FAM53A: variants seen among roughly 807,000 people sequenced by gnomAD.
The protein encoded by FAM53A is protein FAM53A.
FAM53A carries 28 observed loss-of-function variants against 26.6 expected under a neutral mutation model. The observed-to-expected ratio is 1.05, with a 90% confidence interval of 0.78 to 1.45. The LOEUF is 1.45. FAM53A is among the 40% of genes most tolerant of loss of function. FAM53A has a pLI of 0.00. For synonymous variants in FAM53A, 290 were observed against 253.1 expected (o/e 1.15, Z -1.38); for missense variants, 650 against 575.8 (o/e 1.13, Z -1.32).
chr4:1,608,385 G>A, the FAM53A span, among the ~76,000 whole-genome samples: 12 of 152,126 alleles, frequency 7.9e-5, no homozygotes, highest in Admixed American at 3.3e-4. Context: ...CCACAGTGGC[G>A]ACGGTGGCCT....
At chr4:1,632,449 G>A (rs1249761734) in intron 1 of FAM53A, among the ~76,000 whole-genome samples, 2 of 152,296 alleles carry the variant, frequency 1.3e-5, no homozygotes, top group East Asian at 1.9e-4. Flanking sequence ...CAGCTCTGCT[G>A]TTTAAGCCCA....
chr4:1,646,295 T>G (rs1483591341), intron 4 of FAM53A, among the ~76,000 whole-genome samples: 3 of 152,242 alleles, frequency 2.0e-5, no homozygotes, highest in African/African-American at 7.2e-5. Context: ...GAGACAGGGT[T>G]TCACTGTGTT....
At chr4:1,614,399 T>G (rs571737336), downstream of FAM53A, among the ~76,000 whole-genome samples, 1 of 123,054 alleles carries the variant, frequency 8.1e-6, no homozygotes, top group Middle Eastern at 4.8e-3. Flanking sequence ...GTGAGGGGCA[T>G]GCAGAGACGT....
At chr4:1,588,415 C>T in the FAM53A span, among the ~76,000 whole-genome samples, 10 of 152,176 alleles carry the variant, frequency 6.6e-5, no homozygotes, top group African/African-American at 2.4e-4. Flanking sequence ...CAGAATGTGG[C>T]AGAAATGATG....
At chr4:1,589,011 G>A in the FAM53A span, among the ~76,000 whole-genome samples, 43 of 152,032 alleles carry the variant, frequency 2.8e-4, no homozygotes, top group Non-Finnish European at 6.0e-4. Context: ...TATTCATCCT[G>A]GTGACGAATT....
rs748340776 is a variant in FAM53A, at chr4:1,655,727, CA to C, written c.137-5del. 2.1e-5 allele frequency: 32 copies of C among 1,541,368 alleles called. No individual in the cohort carries two copies. The highest frequency in any genetic ancestry group is 1.7e-4 in the South Asian group (14 of 83,682). On this transcript the variant is annotated splice_region_variant and splice_polypyrimidine_tract_variant and intron_variant, in intron 3 of 4. Transcript: ENST00000308132. Reference sequence around the variant, plus strand: ...AAGACCTTCCAGGGACTCTGGTCTACAAAAAAAGACACAAAGAGGCAGGGGA... The same window carrying C: ...AAGACCTTCCAGGGACTCTGGTCTACAAAAAAGACACAAAGAGGCAGGGGA...
chr4:1,613,095 G>A (rs189984925), downstream of FAM53A, among the ~76,000 whole-genome samples: 6 of 152,322 alleles, frequency 3.9e-5, no homozygotes, highest in Admixed American at 1.3e-4. Flanking sequence ...CAAGCTACTC[G>A]GGAAAACAGA....
downstream of FAM53A, among the ~76,000 whole-genome samples, chr4:1,615,926 C>T (rs941148049): frequency 3.3e-5 from 5 of 152,126 alleles, no homozygotes; most frequent in Non-Finnish European, 5.9e-5. Flanking sequence ...CTGTGGATGG[C>T]GATGTTTCAG....
At chr4:1,662,464 G>A (rs1195035075) in intron 2 of FAM53A, among the ~76,000 whole-genome samples, 10 of 133,954 alleles carry the variant, frequency 7.5e-5, no homozygotes, top group Non-Finnish European at 1.4e-4. Flanking sequence ...TAGCAACAAG[G>A]GCAAGATTCC....
chr4:1,630,074 C>T lies in FAM53A; in HGVS notation c.432-11963G>A, dbSNP rs1021569454. Among the ~76,000 whole-genome samples, 4 of 152,220 alleles carry T rather than the reference C, an allele frequency of 2.6e-5. No individual in the cohort carries two copies. The highest frequency in any genetic ancestry group is 3.9e-4 in the East Asian group (2 of 5,186). On this transcript the variant is annotated intron_variant, in intron 1 of 1. Transcript: ENST00000489029. The surrounding 1 kb of genome is among the most constrained non-coding windows in gnomAD (Gnocchi z 4.3). ...CAGCACAAAAAGACCACAGTGAGACCCCGCTGGACACCTCACCCGGCTGCC... is the reference window on the plus strand; with the variant it reads ...CAGCACAAAAAGACCACAGTGAGACTCCGCTGGACACCTCACCCGGCTGCC...
the FAM53A span, among the ~76,000 whole-genome samples, chr4:1,578,824 G>C: frequency 2.1e-5 from 1 of 46,518 alleles, no homozygotes; most frequent in Non-Finnish European, 4.6e-5. Context: ...GAGAGAAGAG[G>C]GGGAGGGGAG....
intron 1 of FAM53A, among the ~76,000 whole-genome samples, chr4:1,677,328 C>T (rs911449156): frequency 6.6e-6 from 1 of 152,202 alleles, no homozygotes; most frequent in African/African-American, 2.4e-5. Context: ...GCATCTCCGT[C>T]TGTTCCTGGA....
At chr4:1,578,989 T>C in the FAM53A span, among the ~76,000 whole-genome samples, 4 of 150,692 alleles carry the variant, frequency 2.7e-5, no homozygotes, top group African/African-American at 9.8e-5. Flanking sequence ...GCGGCCCGGC[T>C]GCGACACCCC....
chr4:1,631,478 T>C (rs930744079), intron 1 of FAM53A, among the ~76,000 whole-genome samples: 1 of 152,158 alleles, frequency 6.6e-6, no homozygotes, highest in Non-Finnish European at 1.5e-5. Flanking sequence ...TTCCTGTCCC[T>C]GGAGTGTGTC....
the FAM53A span, among the ~76,000 whole-genome samples, chr4:1,606,341 G>A: frequency 2.3e-4 from 35 of 151,958 alleles, 1 homozygote; most frequent in Admixed American, 1.5e-3. Flanking sequence ...CACCGCACCC[G>A]GCCTCCTATG....
the FAM53A span, among the ~76,000 whole-genome samples, chr4:1,602,422 G>T: frequency 6.6e-6 from 1 of 152,224 alleles, no homozygotes; most frequent in Non-Finnish European, 1.5e-5. Flanking sequence ...CAAAGGCTGC[G>T]GCAAATGAAA....
At chr4:1,588,507 T>C in the FAM53A span, among the ~76,000 whole-genome samples, 3 of 151,560 alleles carry the variant, frequency 2.0e-5, no homozygotes, top group Non-Finnish European at 4.4e-5. Context: ...TTGCTGGGGG[T>C]GGGGGCACCT....
the FAM53A span, among the ~76,000 whole-genome samples, chr4:1,608,869 G>C: frequency 6.6e-6 from 1 of 152,148 alleles, no homozygotes; most frequent in Non-Finnish European, 1.5e-5. Flanking sequence ...TTCATTCCTG[G>C]TGAATCCTCG....
chr4:1,584,086 G>A, the FAM53A span, among the ~76,000 whole-genome samples: 1 of 152,194 alleles, frequency 6.6e-6, no homozygotes, highest in South Asian at 2.1e-4. Flanking sequence ...TCAATCCCTT[G>A]TGGGTTTCAG....
Sources: gnomAD v4.1 joint callset for allele counts (sites outside exome capture counted in the v4.1 genomes callset) on GRCh38, gnomAD v4.1.1 for gene constraint, Gnocchi (gnomAD v3.1) non-coding constraint, MANE v1.5 for transcripts, NCBI Gene and HGNC (gene_info 2026-07-23, HGNC 2026-07-21) for gene names.